Variants in ZNF660 observed in about 807,000 individuals in gnomAD.
ZNF660 encodes zinc finger protein 660.
In ZNF660, 24 loss-of-function variants were observed where a neutral mutation model predicts 23.2. The ratio of observed to expected loss-of-function variants is 1.04; its 90% confidence interval spans 0.75 to 1.46. The LOEUF (loss-of-function observed/expected upper bound fraction) is 1.46, where lower values mean the gene tolerates loss of function less well. Among genes scored for constraint, ZNF660 ranks in the 40% most tolerant of loss-of-function variants. The pLI is 0.00. For synonymous variants in ZNF660, 117 were observed against 131.4 expected, an observed-to-expected ratio of 0.89 and a Z score of 0.75; for missense variants, 373 against 396.8, an observed-to-expected ratio of 0.94 and a Z score of 0.51.
Position 44,594,175 on chromosome 3 carries a change from A to G in ZNF660, c.-19A>G, listed in dbSNP as rs917183625. ...AGAGAAGACTAGAGAGGACACTGGT[A>G]TGTTCCAAGCAGGAGAAAATGAGGA... On this transcript the variant is annotated 5_prime_UTR_variant, in exon 3 of 3. It removes an upstream start codon present in the reference 5' UTR. Transcript: ENST00000322734. 8.7e-6 allele frequency: 14 copies of G among 1,612,560 alleles called. No individual in the cohort carries two copies. Among genetic ancestry groups the G allele is most frequent in the Non-Finnish European group, 1.1e-5 (13 of 1,179,542 alleles).
At chr3:44,589,473 C>G (rs1700342528) in intron 2 of ZNF660, among the ~76,000 whole-genome samples, 1 of 152,190 alleles carries the variant, frequency 6.6e-6, no homozygotes, top group Non-Finnish European at 1.5e-5. Context: ...AGCTGCCTCT[C>G]TCCTCTGTTT....
intron 2 of ZNF660, among the ~76,000 whole-genome samples, chr3:44,592,580 C>T (rs1006996166): frequency 1.3e-5 from 2 of 152,204 alleles, no homozygotes; most frequent in African/African-American, 2.4e-5. Flanking sequence ...TACTCTGACG[C>T]TTTTGCCATC....
intron 2 of ZNF660, among the ~76,000 whole-genome samples, chr3:44,590,449 T>A (rs1194880128): frequency 2.0e-5 from 3 of 152,172 alleles, no homozygotes; most frequent in Non-Finnish European, 4.4e-5. Context: ...TTTCTTTTTA[T>A]AAGGACATGA....
chr3:44,585,618 A>G (rs1344519940), intron 1 of ZNF660, among the ~76,000 whole-genome samples: 1 of 152,114 alleles, frequency 6.6e-6, no homozygotes, highest in Non-Finnish European at 1.5e-5. Flanking sequence ...AGGCTTAGTA[A>G]TCCTAAGAAA....
In ZNF660 at chr3:44,595,257, TTAATTC is replaced by T; in HGVS notation, c.*71_*76del. ...AAAAAGTAGTTCTTTAGTATCAACT[TTAATTC>T]TACTTCTAAGAATCATACTCTACTT... On this transcript the variant is annotated 3_prime_UTR_variant, in exon 3 of 3. Coordinates refer to ENST00000322734, the MANE Select transcript of ZNF660 (RefSeq NM_173658.4). 6.9e-7 allele frequency: 1 copy of T among 1,458,964 alleles called. No homozygotes were observed. Among genetic ancestry groups the T allele is most frequent in the Non-Finnish European group, 9.2e-7 (1 of 1,091,928 alleles). The allele number at this position is 1,458,964 out of a possible 1,614,324, so 90.4% of individuals were successfully genotyped here.
rs1257564084 is a variant in ZNF660 at position 44,599,175 on chromosome 3, T to TA, written c.*3988dup. ...ATTCCTGAGGAATATAAAGAGGCAA[T>TA]AATTTTAGCCACAGACATCCTGGTT... On this transcript the variant is annotated 3_prime_UTR_variant, in exon 3 of 3. Transcript: ENST00000322734. 6.6e-6 allele frequency: 1 copy of TA among 152,204 alleles called. No individual in the cohort carries two copies. The highest frequency in any genetic ancestry group is 2.4e-5 in the African/African-American group (1 of 41,442). The allele number at this position is 152,204 out of a possible 1,614,324, so 9.4% of individuals were successfully genotyped here. A position where few individuals can be genotyped will look rare whatever the true frequency, so the allele number is the denominator to read the frequency against.
rs200071161 is a variant in ZNF660 at position 44,594,581 on chromosome 3, G to A, written c.388G>A (p.Gly130Arg). The change falls in exon 3 of 3, where the codon GGG becomes AGG. Residue 130 changes from glycine to arginine, a missense_variant. Physicochemically the swap from Gly to Arg is moderately radical, Grantham distance 125. Transcript: ENST00000322734. ...HLIRHQGIHSGEKTYECKECG... is the reference protein window; with the variant it reads ...HLIRHQGIHSREKTYECKECG... ...TATTCGGCACCAGGGAATCCACAGT[G>A]GGGAGAAAACTTATGAATGTAAAGA... 6.2e-7 allele frequency: 1 copy of A among 1,614,172 alleles called. No homozygotes were observed. The highest frequency in any genetic ancestry group is 8.5e-7 in the Non-Finnish European group (1 of 1,180,034).
intron 1 of ZNF660, among the ~76,000 whole-genome samples, chr3:44,585,275 C>T (rs1443671479): frequency 1.3e-5 from 2 of 152,160 alleles, no homozygotes. Flanking sequence ...AGGCAGTGGG[C>T]CTTCCGGGTA....
In ZNF660 at chr3:44,598,090, C is replaced by CAGGA. The variant is rs1464902332; in HGVS notation, c.*2903_*2906dup. 6.6e-6 allele frequency: 1 copy of CAGGA among 152,170 alleles called. No homozygotes were observed. The highest frequency in any genetic ancestry group is 2.4e-5 in the African/African-American group (1 of 41,430). 9.4% of individuals were successfully genotyped at this position (152,170 alleles called of 1,614,324 possible). Reference sequence around the variant, plus strand: ...CCCTTTCATAATACCCTCTGGAAACCAGGAACTGTCTCTTTTAATGTGCTT... The same window carrying CAGGA: ...CCCTTTCATAATACCCTCTGGAAACCAGGAAGGAACTGTCTCTTTTAATGTGCTT... On this transcript the variant is annotated 3_prime_UTR_variant, in exon 3 of 3. Coordinates refer to ENST00000322734, the MANE Select transcript of ZNF660 (RefSeq NM_173658.4).
At chr3:44,593,629 C>T (rs1041848766) in intron 2 of ZNF660, among the ~76,000 whole-genome samples, 12 of 148,698 alleles carry the variant, frequency 8.1e-5, no homozygotes, top group South Asian at 2.1e-4. Context: ...GCAGGAGAAT[C>T]GCTTGAACCT....
chr3:44,587,853 A>C (rs916196704), intron 2 of ZNF660, among the ~76,000 whole-genome samples: 2 of 152,168 alleles, frequency 1.3e-5, no homozygotes, highest in Non-Finnish European at 2.9e-5. Flanking sequence ...TGGGAGTTTG[A>C]GACCAGCCTG....
At position 44,594,307 on chromosome 3, in the gene ZNF660, A is replaced by G; in HGVS notation, c.114A>G (p.Ala38=). The part of the protein sequence containing the change: ...EKDNSQCCDP[A]TNERVQAEKR... Reference sequence around the variant, plus strand: ...ACAATAGTCAGTGCTGTGACCCTGCAACAAATGAGAGAGTTCAGGCTGAAA... The same window carrying G: ...ACAATAGTCAGTGCTGTGACCCTGCGACAAATGAGAGAGTTCAGGCTGAAA... Residue 38 remains alanine (A), a synonymous_variant, in exon 3 of 3, where the codon GCA becomes GCG. Transcript: ENST00000322734. 6.2e-7 allele frequency: 1 copy of G among 1,614,194 alleles called. No individual in the cohort carries two copies. Among genetic ancestry groups the G allele is most frequent in the Middle Eastern group, 1.6e-4 (1 of 6,062 alleles).
intron 2 of ZNF660, among the ~76,000 whole-genome samples, chr3:44,590,647 A>G (rs568964599): frequency 1.3e-5 from 2 of 152,370 alleles, no homozygotes; most frequent in East Asian, 3.9e-4. Flanking sequence ...GAACAGGGAT[A>G]TATACAGAGT....
rs148325801 is a variant in ZNF660, at chr3:44,595,501, A to C, written c.*312A>C. On this transcript the variant is annotated 3_prime_UTR_variant, in exon 3 of 3. Coordinates refer to ENST00000322734, the MANE Select transcript of ZNF660 (RefSeq NM_173658.4). ...ATTGGATAAGACGGAAGATAATGAC[A>C]TACAATCCAAAATTTAAAAAAATAT... The C allele has an allele frequency of 1.0e-3, 224 of 222,298 alleles. 1 individual carries two copies. The highest frequency in any genetic ancestry group is 1.7e-3 in the Non-Finnish European group (176 of 104,100). 13.8% of individuals were successfully genotyped at this position (222,298 alleles called of 1,614,324 possible). A position where few individuals can be genotyped will look rare whatever the true frequency, so the allele number is the denominator to read the frequency against.
rs1396456434 is a variant in ZNF660 at position 44,594,102 on chromosome 3, G to A, written c.-92G>A. ...TACATACTTTCAAGAGAATTCCACAGAGACATTGCCCAGGAAGTCAAAATT... is the reference window on the plus strand; with the variant it reads ...TACATACTTTCAAGAGAATTCCACAAAGACATTGCCCAGGAAGTCAAAATT... On this transcript the variant is annotated 5_prime_UTR_variant, in exon 3 of 3. Coordinates refer to ENST00000322734, the MANE Select transcript of ZNF660 (RefSeq NM_173658.4). The A allele has an allele frequency of 6.8e-7, 1 of 1,473,096 alleles. No homozygotes were observed. Among genetic ancestry groups the A allele is most frequent in the Non-Finnish European group, 9.5e-7 (1 of 1,057,088 alleles). 91.3% of individuals were successfully genotyped at this position (1,473,096 alleles called of 1,614,324 possible).
intron 2 of ZNF660, among the ~76,000 whole-genome samples, chr3:44,593,216 TG>T (rs1700491062): frequency 6.6e-6 from 1 of 152,120 alleles, no homozygotes; most frequent in Non-Finnish European, 1.5e-5. Context: ...GAGCAAAAGA[TG>T]AAATCCTACT....
At chr3:44,591,053 G>A (rs763562052) in intron 2 of ZNF660, among the ~76,000 whole-genome samples, 1 of 152,150 alleles carries the variant, frequency 6.6e-6, no homozygotes, top group South Asian at 2.1e-4. Context: ...TGCCAGTCTC[G>A]AGTGCCACCA....
rs1328738938 is a variant in ZNF660, at chr3:44,594,525, G to A, written c.332G>A (p.Cys111Tyr). Reference sequence around the variant, plus strand: ...CTGAAGCCCTATACATGCAGTGAATGTGGGAAATCTTTCAGTGGAAAGTCA... The same window carrying A: ...CTGAAGCCCTATACATGCAGTGAATATGGGAAATCTTTCAGTGGAAAGTCA... ...TGLKPYTCSE[C>Y]GKSFSGKSHL... The change falls in exon 3 of 3, where the codon TGT (cysteine) becomes TAT (tyrosine). Residue 111 changes from cysteine to tyrosine, a missense_variant. Coordinates refer to ENST00000322734, the MANE Select transcript of ZNF660 (RefSeq NM_173658.4). 1.9e-6 allele frequency: 3 copies of A among 1,614,196 alleles called. No homozygotes were observed. The highest frequency in any genetic ancestry group is 2.5e-6 in the Non-Finnish European group (3 of 1,180,034).
intron 2 of ZNF660, 33 bp from the exon 3 acceptor site, chr3:44,593,981 G>C (rs1700522433): frequency 1.5e-6 from 1 of 675,502 alleles, no homozygotes; most frequent in Admixed American, 2.1e-5. Context: ...ACAGAGAATA[G>C]GTGACATGTG....
Sources: gnomAD v4.1 joint callset for allele counts (sites outside exome capture counted in the v4.1 genomes callset) on GRCh38, gnomAD v4.1.1 for gene constraint, MANE v1.5 for transcripts, NCBI Gene and HGNC (gene_info 2026-07-23, HGNC 2026-07-21) for gene names.